CCSER1: variants seen among roughly 807,000 people sequenced by gnomAD.
CCSER1 encodes serine-rich coiled-coil domain-containing protein 1.
In CCSER1, 41 loss-of-function variants were observed where a neutral mutation model predicts 82.0. The observed-to-expected ratio is 0.50, with a 90% CI of 0.39 to 0.65. CCSER1 has a LOEUF of 0.65. Ranked by LOEUF, CCSER1 falls within the 30% of genes least tolerant of loss-of-function variation. The pLI is 0.00. For missense variants in CCSER1, 1,119 were observed against 1,064.2 expected (o/e 1.05, Z -0.72); for synonymous variants, 414 against 383.9 (o/e 1.08, Z -0.92).
intron 7 of CCSER1, chr4:90,780,381 C>T (rs2149606792): frequency 6.5e-7 from 1 of 1,540,082 alleles, no homozygotes; most frequent in Admixed American, 1.8e-5. Context: ...CAAAATAATT[C>T]AAGCAAAATG....
chr4:90,217,817 A>G (rs1208861253), intron 1 of CCSER1, among the ~76,000 whole-genome samples: 1 of 151,566 alleles, frequency 6.6e-6, no homozygotes, highest in Admixed American at 6.6e-5. Flanking sequence ...TTTTTTTGAG[A>G]CAGGATCTCA....
chr4:90,183,482 T>C (rs1734057929), intron 1 of CCSER1, among the ~76,000 whole-genome samples: 1 of 152,138 alleles, frequency 6.6e-6, no homozygotes, highest in South Asian at 2.1e-4. Flanking sequence ...GGTGGAGTCC[T>C]TTTGATATTG....
intron 8 of CCSER1, among the ~76,000 whole-genome samples, chr4:90,915,225 T>C (rs1334708576): frequency 2.6e-5 from 4 of 152,072 alleles, no homozygotes; most frequent in Admixed American, 2.6e-4. Flanking sequence ...AAGAGAATAT[T>C]AGACCAATAT....
intron 10 of CCSER1, among the ~76,000 whole-genome samples, chr4:91,328,076 T>C (rs1185110147): frequency 6.6e-6 from 1 of 152,212 alleles, no homozygotes; most frequent in Admixed American, 6.5e-5. Context: ...TCCTGCCTTC[T>C]TCTGAGCCTT....
chr4:91,260,970 A>G (rs1466045460), intron 10 of CCSER1, among the ~76,000 whole-genome samples: 1 of 152,004 alleles, frequency 6.6e-6, no homozygotes, highest in Non-Finnish European at 1.5e-5. Context: ...TCATCATGTT[A>G]GCCATGATGG....
At chr4:91,284,090 G>T (rs973625526) in intron 10 of CCSER1, among the ~76,000 whole-genome samples, 15 of 152,018 alleles carry the variant, frequency 9.9e-5, no homozygotes, top group African/African-American at 3.1e-4. Context: ...TGAGACTAAT[G>T]GCTCAAAGTC....
At chr4:90,996,316 A>T (rs1737490934) in intron 9 of CCSER1, among the ~76,000 whole-genome samples, 1 of 152,016 alleles carries the variant, frequency 6.6e-6, no homozygotes. Flanking sequence ...ATTTGTTGGG[A>T]CCATTTTATG....
intron 9 of CCSER1, among the ~76,000 whole-genome samples, chr4:90,969,375 A>G (rs1288367279): frequency 1.3e-5 from 2 of 152,042 alleles, no homozygotes; most frequent in Non-Finnish European, 2.9e-5. Context: ...TGAAAAGTAA[A>G]GGACAAAGAA....
chr4:90,712,326 G>A (rs1740770068), intron 6 of CCSER1, among the ~76,000 whole-genome samples: 1 of 151,692 alleles, frequency 6.6e-6, no homozygotes, highest in Admixed American at 6.6e-5. Flanking sequence ...ATGTCCCAGA[G>A]ATTCTGGTAT....
chr4:91,428,847 T>G (rs1754135685), intron 10 of CCSER1, among the ~76,000 whole-genome samples: 1 of 152,036 alleles, frequency 6.6e-6, no homozygotes, highest in African/African-American at 2.4e-5. Context: ...ATCATCACTC[T>G]ATTGTCTGTC....
chr4:91,521,891 C>G (rs1760491951), intron 10 of CCSER1, among the ~76,000 whole-genome samples: 1 of 152,136 alleles, frequency 6.6e-6, no homozygotes, highest in Non-Finnish European at 1.5e-5. Flanking sequence ...TTAATTAGAT[C>G]TCATTTGTTA....
chr4:90,998,962 A>G (rs1429553693), intron 9 of CCSER1, among the ~76,000 whole-genome samples: 7 of 152,032 alleles, frequency 4.6e-5, no homozygotes, highest in African/African-American at 1.7e-4. Context: ...TCTAGCTCCC[A>G]CTTATAAGTG....
At chr4:90,631,440 C>G (rs966914960) in intron 6 of CCSER1, among the ~76,000 whole-genome samples, 5 of 152,022 alleles carry the variant, frequency 3.3e-5, no homozygotes, top group Non-Finnish European at 5.9e-5. Flanking sequence ...GTGAGCAAAT[C>G]AAGTTATCCT....
chr4:90,271,826 T>TTATATATATATATATATATATATATA (rs1189309598), intron 1 of CCSER1, among the ~76,000 whole-genome samples: 3 of 42,872 alleles, frequency 7.0e-5, no homozygotes, highest in Non-Finnish European at 8.5e-5. Context: ...ACTGGACAAT[T>TTATATATATATATATATATATATATA]TATATATATA....
intron 6 of CCSER1, among the ~76,000 whole-genome samples, chr4:90,673,799 G>A (rs1254737706): frequency 6.6e-6 from 1 of 151,886 alleles, no homozygotes; most frequent in East Asian, 1.9e-4. Context: ...TTATACATAC[G>A]TTTTTAAGAT....
At chr4:91,394,724 C>T (rs185818070) in intron 10 of CCSER1, among the ~76,000 whole-genome samples, 13 of 152,014 alleles carry the variant, frequency 8.6e-5, no homozygotes, top group Admixed American at 3.3e-4. Flanking sequence ...CAAAAACTAA[C>T]GAAGTATAAA....
chr4:90,495,831 A>C (rs1768904546), intron 5 of CCSER1, among the ~76,000 whole-genome samples: 1 of 152,180 alleles, frequency 6.6e-6, no homozygotes. Context: ...TATAATTATC[A>C]GGCCCCTGCA....
chr4:90,940,832 C>T (rs926087182), intron 9 of CCSER1, among the ~76,000 whole-genome samples: 1 of 152,088 alleles, frequency 6.6e-6, no homozygotes, highest in African/African-American at 2.4e-5. Context: ...ATTCATATAG[C>T]TTTTCTAACA....
At chr4:90,995,426 G>T (rs187674879) in intron 9 of CCSER1, among the ~76,000 whole-genome samples, 1 of 152,198 alleles carries the variant, frequency 6.6e-6, no homozygotes, top group African/African-American at 2.4e-5. Context: ...ATGCAAAAAT[G>T]AAACTGAAGA....
Sources: allele counts gnomAD v4.1 joint callset (sites outside exome capture counted in the v4.1 genomes callset), GRCh38; gene constraint gnomAD v4.1.1; transcripts MANE v1.5; gene names NCBI Gene and HGNC (gene_info 2026-07-23, HGNC 2026-07-21).